The following PLBD1 variants were observed in gnomAD, a reference collection of about 807,000 sequenced individuals.
PLBD1 encodes lysosomal leucine aminopeptidase.
Under a neutral mutation model 63.0 loss-of-function variants are expected in PLBD1, and 60 were observed. The ratio of observed to expected loss-of-function variants is 0.95; its 90% CI spans 0.77 to 1.18. The LOEUF (loss-of-function observed/expected upper bound fraction) is 1.18. Among genes scored for constraint, PLBD1 ranks in the 50% most tolerant of loss-of-function variants. The probability of loss-of-function intolerance (pLI) is 0.00; values close to 1 mark genes in which losing one functional copy is unlikely to be tolerated. For missense variants in PLBD1, 598 were observed against 677.9 expected (o/e 0.88, Z 1.31); for synonymous variants, 262 against 248.0 (o/e 1.06, Z -0.53).
At chr12:14,526,710 C>T (rs563703728) in intron 6 of PLBD1, among the ~76,000 whole-genome samples, 2 of 152,102 alleles carry the variant, frequency 1.3e-5, no homozygotes, top group Non-Finnish European at 2.9e-5. Flanking sequence ...TGGTGGGTCA[C>T]GTCTGTAATC....
chr12:14,513,613 A>G (rs764738101), intron 6 of PLBD1, among the ~76,000 whole-genome samples: 7 of 152,162 alleles, frequency 4.6e-5, no homozygotes, highest in South Asian at 4.1e-4. Flanking sequence ...GCTTGCCTCT[A>G]ATGAATTTGA....
intron 1 of PLBD1, 29 bp downstream of exon 1, chr12:14,567,553 G>T: frequency 6.8e-7 from 1 of 1,468,220 alleles, no homozygotes; most frequent in Non-Finnish European, 8.9e-7. Flanking sequence ...CTCCCCGGGC[G>T]CCCCCCGCCC....
At chr12:14,529,602 G>A (rs926357086) in intron 6 of PLBD1, among the ~76,000 whole-genome samples, 1 of 152,164 alleles carries the variant, frequency 6.6e-6, no homozygotes, top group Non-Finnish European at 1.5e-5. Flanking sequence ...ATTAAAGAAA[G>A]TAGGAAGAGC....
At chr12:14,567,515 G>T (rs926222678) in intron 1 of PLBD1, 67 bp downstream of exon 1, 4 of 1,410,504 alleles carry the variant, frequency 2.8e-6, no homozygotes, top group African/African-American at 1.5e-5. Context: ...CGGACGCGGG[G>T]CACGGGCGCT....
rs576080100 is a variant in PLBD1 at position 14,553,417 on chromosome 12, A to G, written c.116-5T>C. The G allele has an allele frequency of 8.7e-6, 14 of 1,608,066 alleles. No individual in the cohort carries two copies. The highest frequency in any genetic ancestry group is 1.2e-5 in the Non-Finnish European group (14 of 1,174,948). ...ATGCAGTTGCATAGTAGACTCCTAG[A>G]AGAAAAGGGAATAATGACAAAAACG... On this transcript the variant is annotated splice_region_variant and splice_polypyrimidine_tract_variant and intron_variant, in intron 1 of 10. Transcript: ENST00000240617.
chr12:14,508,021 C>G (rs976273853), intron 8 of PLBD1, among the ~76,000 whole-genome samples: 24 of 152,150 alleles, frequency 1.6e-4, no homozygotes, highest in African/African-American at 5.8e-4. Flanking sequence ...TACAGGACCT[C>G]CTCTTTAGGG....
At chr12:14,513,553 G>A (rs555375130) in intron 6 of PLBD1, among the ~76,000 whole-genome samples, 14 of 152,288 alleles carry the variant, frequency 9.2e-5, no homozygotes, top group East Asian at 3.9e-4. Flanking sequence ...ACCTGAAACC[G>A]GAGGTAAGAG....
intron 6 of PLBD1, among the ~76,000 whole-genome samples, chr12:14,525,688 C>T (rs1031701838): frequency 8.5e-6 from 1 of 117,640 alleles, no homozygotes; most frequent in Non-Finnish European, 1.7e-5. Context: ...TCTCAACACA[C>T]ACACACACAC....
chr12:14,515,897 CA>C (rs71067801), intron 6 of PLBD1, among the ~76,000 whole-genome samples: 47 of 143,774 alleles, frequency 3.3e-4, no homozygotes, highest in Non-Finnish European at 2.9e-4. Flanking sequence ...ACTAAAAATA[CA>C]AAAAAAAAAA....
intron 8 of PLBD1, among the ~76,000 whole-genome samples, chr12:14,507,653 CT>C (rs200975312): frequency 2.0e-5 from 3 of 151,216 alleles, no homozygotes; most frequent in Non-Finnish European, 4.4e-5. Flanking sequence ...GTTTCTGTTT[CT>C]TTTTTTTTGA....
Position 14,506,220 on chromosome 12 carries a change from C to T in PLBD1, c.1421G>A (p.Cys474Tyr). 3.7e-6 allele frequency: 6 copies of T among 1,613,324 alleles called. No individual in the cohort carries two copies. The highest frequency in any genetic ancestry group is 5.1e-6 in the Non-Finnish European group (6 of 1,179,466). ...YSRGDPCNTI[C>Y]CREDLNSPNP... ...AGGTGAGTTCAGGTCCTCACGGCAG[C>T]AGATGGTATTACAGGGGTCACCTCT... is the stretch of plus-strand genomic sequence containing the variant. The change falls in exon 10 of 11, where the codon TGC becomes TAC. Residue 474 changes from cysteine (C) to tyrosine (Y), a missense_variant. Cys to Tyr is a radical substitution (Grantham distance 194, BLOSUM62 -2). Coordinates refer to ENST00000240617, the MANE Select transcript of PLBD1 (RefSeq NM_024829.6).
rs1395429275 is a variant in PLBD1, at chr12:14,567,783, A to AC, written c.-88dup. ...AAGTTGCAAGAGAGGCTCCTGGCCT[A>AC]CTCAGGGGCGCCGCCTCTCCGAGGT... On this transcript the variant is annotated 5_prime_UTR_variant, in exon 1 of 11. Coordinates refer to ENST00000240617, the MANE Select transcript of PLBD1 (RefSeq NM_024829.6). The AC allele has an allele frequency of 7.4e-7, 1 of 1,349,260 alleles. No individual in the cohort carries two copies. The highest frequency in any genetic ancestry group is 1.5e-5 in the African/African-American group (1 of 64,700). 83.6% of individuals were successfully genotyped at this position (1,349,260 alleles called of 1,614,324 possible). A position where few individuals can be genotyped will look rare whatever the true frequency, so the allele number is the denominator to read the frequency against.
intron 6 of PLBD1, among the ~76,000 whole-genome samples, chr12:14,513,279 G>A (rs1945312438): frequency 6.6e-6 from 1 of 152,114 alleles, no homozygotes; most frequent in Non-Finnish European, 1.5e-5. Flanking sequence ...ATTAACATAT[G>A]CACTACTTAA....
At chr12:14,514,211 C>T (rs1001902335) in intron 6 of PLBD1, among the ~76,000 whole-genome samples, 2 of 152,180 alleles carry the variant, frequency 1.3e-5, no homozygotes, top group African/African-American at 2.4e-5. Flanking sequence ...TAATGGGTCA[C>T]CTCTCTAGAA....
At chr12:14,526,312 G>C (rs1945415401) in intron 6 of PLBD1, among the ~76,000 whole-genome samples, 1 of 152,154 alleles carries the variant, frequency 6.6e-6, no homozygotes, top group African/African-American at 2.4e-5. Context: ...CATTCCGTTT[G>C]TGCTAACAAA....
At chr12:14,535,016 A>G (rs1238099245) in intron 6 of PLBD1, among the ~76,000 whole-genome samples, 1 of 152,138 alleles carries the variant, frequency 6.6e-6, no homozygotes, top group Non-Finnish European at 1.5e-5. Flanking sequence ...TTCATGGTCT[A>G]TCTCAAAGGT....
chr12:14,562,530 T>A (rs772743717), intron 1 of PLBD1, among the ~76,000 whole-genome samples: 15 of 151,910 alleles, frequency 9.9e-5, no homozygotes, highest in Admixed American at 9.8e-4. Context: ...GTTTCAAGTC[T>A]TAAGCTAAAA....
rs567559909 is a variant in PLBD1, at chr12:14,534,613, C to T, written c.844+1046G>A. On this transcript the variant is annotated intron_variant, in intron 6 of 10. Coordinates refer to ENST00000240617, the MANE Select transcript of PLBD1 (RefSeq NM_024829.6). ...GGCTGGAGTGCAGTGGAGTGATCTC[C>T]GCTCACTGCAAGCTCCGCCTCCCGG... is the stretch of plus-strand genomic sequence containing the variant. Among the ~76,000 whole-genome samples the T allele has an allele frequency of 5.3e-5, 8 of 150,730 alleles. No homozygotes were observed. The South Asian group carries it at 1.7e-3, about 32-fold the overall frequency.
chr12:14,547,851 T>C (rs1207704322), intron 2 of PLBD1, among the ~76,000 whole-genome samples: 1 of 152,132 alleles, frequency 6.6e-6, no homozygotes, highest in Non-Finnish European at 1.5e-5. Flanking sequence ...ATGAATCCAT[T>C]TGTCTGTGGT....
Sources: allele counts gnomAD v4.1 joint callset (sites outside exome capture counted in the v4.1 genomes callset), GRCh38; gene constraint gnomAD v4.1.1; transcripts MANE v1.5; gene names NCBI Gene and HGNC (gene_info 2026-07-23, HGNC 2026-07-21).